The following TMEM100 variants were observed in gnomAD, a reference collection of about 807,000 sequenced individuals.
TMEM100 encodes transmembrane protein 100.
For synonymous variants in TMEM100, 61 were observed against 67.1 expected (o/e 0.91, Z 0.44); for missense variants, 137 against 168.2 (o/e 0.81, Z 1.02).
upstream of TMEM100, among the ~76,000 whole-genome samples, chr17:55,724,891 TTCAACCTTGTCAGGC>T (rs771275378): frequency 1.1e-4 from 16 of 152,186 alleles, no homozygotes; most frequent in Non-Finnish European, 1.6e-4. Context: ...CAAAGCTTTC[TTCAACCTTGTCAGGC>T]TCAGGTGCCT....
At chr17:55,731,925 A>T (rs1909215733) in exon 1 of TMEM100, 1 of 152,228 alleles carries the variant, frequency 6.6e-6, no homozygotes. Flanking sequence ...GTGGAGCCTC[A>T]CCCTGCTGTG....
At chr17:55,729,373 A>G (rs1909145233) in intron 1 of TMEM100, among the ~76,000 whole-genome samples, 1 of 152,218 alleles carries the variant, frequency 6.6e-6, no homozygotes, top group African/African-American at 2.4e-5. Flanking sequence ...TTTTAAACTA[A>G]GTAATTAATA....
At chr17:55,728,073 T>C (rs536182880) in intron 1 of TMEM100, 33 of 152,330 alleles carry the variant, frequency 2.2e-4, no homozygotes, top group African/African-American at 7.9e-4. Flanking sequence ...GGCTCCTTCC[T>C]TCTGAACTGA....
At position 55,720,256 on chromosome 17, in the gene TMEM100, A is replaced by G. The variant is rs1040092550; in HGVS notation, c.*410T>C. On this transcript the variant is annotated 3_prime_UTR_variant, in exon 2 of 2. Transcript: ENST00000424486. Reference sequence around the variant, plus strand: ...ATATGCGAAACCCAAGGTAATTTAGATCCTTGGCAGAACATTTTTATGATA... The same window carrying G: ...ATATGCGAAACCCAAGGTAATTTAGGTCCTTGGCAGAACATTTTTATGATA... 6.1e-6 allele frequency: 1 copy of G among 162,834 alleles called. No homozygotes were observed. Among genetic ancestry groups the G allele is most frequent in the African/African-American group, 2.4e-5 (1 of 41,862 alleles). The allele number at this position is 162,834 out of a possible 1,614,324, so 10.1% of individuals were successfully genotyped here.
In TMEM100 at chr17:55,720,637, C is replaced by T. The variant is rs372576404; in HGVS notation, c.*29G>A. The T allele has an allele frequency of 9.6e-6, 15 of 1,561,998 alleles. No individual in the cohort carries two copies. The African/African-American group carries it at 1.9e-4, about 20-fold the overall frequency. ...ACAAAGTCAGAGCACGTTTTCCAGGCCCAATGGCCCATTTGGTCGTATTCA... is the reference window on the plus strand; with the variant it reads ...ACAAAGTCAGAGCACGTTTTCCAGGTCCAATGGCCCATTTGGTCGTATTCA... On this transcript the variant is annotated 3_prime_UTR_variant, in exon 2 of 2. Transcript: ENST00000424486.
chr17:55,727,393 G>C (rs1366439410), upstream of TMEM100, among the ~76,000 whole-genome samples: 3 of 152,208 alleles, frequency 2.0e-5, no homozygotes, highest in African/African-American at 7.2e-5. Context: ...CCCTTAGTGA[G>C]TGAGCTAAGG....
At chr17:55,727,821 C>T (rs1312728296), upstream of TMEM100, 2 of 152,244 alleles carry the variant, frequency 1.3e-5, no homozygotes, top group Admixed American at 1.3e-4. Context: ...AGCCTTGTCT[C>T]AGTTAGGTAG....
Position 55,721,051 on chromosome 17 carries a change from T to C in TMEM100, c.20A>G (p.Lys7Arg). 23 of 1,612,132 alleles carry C rather than the reference T, an allele frequency of 1.4e-5. No individual in the cohort carries two copies. The highest frequency in any genetic ancestry group is 1.9e-5 in the Non-Finnish European group (22 of 1,178,990). MTEEPI[K>R]EILGAPKAHM... ...AGCCTTTGGGGCTCCCAGGATCTCC[T>C]TGATGGGCTCTTCAGTCATTTTTAC... Residue 7 changes from lysine to arginine, a missense_variant, in exon 2 of 2, where the codon AAG becomes AGG. By Grantham distance (26) the Lys-to-Arg change is conservative. Transcript: ENST00000424486.
Position 55,720,923 on chromosome 17 carries a change from C to T in TMEM100, c.148G>A (p.Glu50Lys), listed in dbSNP as rs375806458. The T allele has an allele frequency of 5.0e-6, 8 of 1,614,174 alleles. No homozygotes were observed. Among genetic ancestry groups the T allele is most frequent in the Admixed American group, 1.7e-5 (1 of 60,024 alleles). ...ATGATGCAGCGGTAGCAGGAGAGCT[C>T]GGTACCCCCTGTAGCAGCCATCAAC... The part of the protein sequence containing the change: ...IQLMAATGGT[E>K]LSCYRCIIPF... Residue 50 changes from glutamate (E) to lysine (K), a missense_variant, in exon 2 of 2, where the codon GAG (glutamate) becomes AAG (lysine). Coordinates refer to ENST00000424486, the MANE Select transcript of TMEM100 (RefSeq NM_018286.3).
upstream of TMEM100, among the ~76,000 whole-genome samples, chr17:55,725,065 G>A (rs1029103434): frequency 8.5e-5 from 13 of 152,328 alleles, no homozygotes; most frequent in Admixed American, 6.5e-4. Context: ...TGTATCAGAA[G>A]AATAGAAGCC....
upstream of TMEM100, among the ~76,000 whole-genome samples, chr17:55,725,460 T>G (rs1302491588): frequency 6.6e-6 from 1 of 152,140 alleles, no homozygotes; most frequent in Non-Finnish European, 1.5e-5. Context: ...TTCCCAGATC[T>G]TTCAAAAAGC....
rs781181627 is a variant in TMEM100, at chr17:55,720,769, G to A, written c.302C>T (p.Ala101Val). ...VVLSSGLFLLASSALCWKVRQ... is the reference protein window; with the variant it reads ...VVLSSGLFLLVSSALCWKVRQ... ...CACTTTCCAGCACAAGGCACTGGAG[G>A]CTAGTAAAAAAAGTCCAGATGACAG... Residue 101 changes from alanine (A) to valine (V), a missense_variant, in exon 2 of 2, where the codon GCC (alanine) becomes GTC (valine). Transcript: ENST00000424486. 1.9e-6 allele frequency: 3 copies of A among 1,614,094 alleles called. No individual in the cohort carries two copies. Among genetic ancestry groups the A allele is most frequent in the African/African-American group, 2.7e-5 (2 of 74,938 alleles).
Position 55,720,270 on chromosome 17 carries a change from A to T in TMEM100, c.*396T>A, listed in dbSNP as rs1201273822. On this transcript the variant is annotated 3_prime_UTR_variant, in exon 2 of 2. Transcript: ENST00000424486. ...AGGTAATTTAGATCCTTGGCAGAAC[A>T]TTTTTATGATACATCTTAAGACTGT... The T allele has an allele frequency of 6.0e-6, 1 of 167,098 alleles. No individual in the cohort carries two copies. Among genetic ancestry groups the T allele is most frequent in the African/African-American group, 2.4e-5 (1 of 42,018 alleles). The allele number at this position is 167,098 out of a possible 1,614,324, so 10.4% of individuals were successfully genotyped here. A position where few individuals can be genotyped will look rare whatever the true frequency, so the allele number is the denominator to read the frequency against.
upstream of TMEM100, among the ~76,000 whole-genome samples, chr17:55,726,898 A>C (rs959969060): frequency 2.6e-5 from 4 of 152,194 alleles, no homozygotes; most frequent in African/African-American, 9.7e-5. Flanking sequence ...CATTAAATAG[A>C]GAGATCTGAT....
At chr17:55,725,701 ATGTGTGTGTGTGTGTG>A (rs57564459), upstream of TMEM100, among the ~76,000 whole-genome samples, 546 of 139,674 alleles carry the variant, frequency 3.9e-3, 2 homozygotes, top group Middle Eastern at 7.2e-3. Context: ...ACCCATATAT[ATGTGTGTGTGTGTGTG>A]TGTGTGTGTG....
At chr17:55,730,488 G>A (rs1909177018) in intron 1 of TMEM100, among the ~76,000 whole-genome samples, 1 of 152,120 alleles carries the variant, frequency 6.6e-6, no homozygotes, top group Non-Finnish European at 1.5e-5. Context: ...CCTAATCCCT[G>A]TGGAATATTG....
upstream of TMEM100, chr17:55,727,807 G>C (rs1909109927): frequency 6.6e-6 from 1 of 152,220 alleles, no homozygotes; most frequent in African/African-American, 2.4e-5. Flanking sequence ...TTACCGACCA[G>C]ATTAGCCTTG....
intron 1 of TMEM100, among the ~76,000 whole-genome samples, chr17:55,731,457 T>A (rs914741495): frequency 9.2e-5 from 14 of 152,148 alleles, no homozygotes; most frequent in African/African-American, 3.4e-4. Context: ...TTCTGAGTGC[T>A]CTATTGTCAG....
chr17:55,730,026 C>T (rs995343174), intron 1 of TMEM100, among the ~76,000 whole-genome samples: 1 of 152,052 alleles, frequency 6.6e-6, no homozygotes, highest in Non-Finnish European at 1.5e-5. Flanking sequence ...TTTATGTTGC[C>T]CCCATGAGTG....
Sources: gnomAD v4.1 joint callset for allele counts (sites outside exome capture counted in the v4.1 genomes callset) on GRCh38, gnomAD v4.1.1 for gene constraint, MANE v1.5 for transcripts, NCBI Gene and HGNC (gene_info 2026-07-23, HGNC 2026-07-21) for gene names.